USP6: variants seen among roughly 807,000 people sequenced by gnomAD.
USP6 encodes the protein ubiquitin carboxyl-terminal hydrolase 6.
In USP6, 128 loss-of-function variants were observed where a neutral mutation model predicts 175.7. That is an observed-to-expected ratio of 0.73 (90% CI 0.63 to 0.84). The LOEUF (loss-of-function observed/expected upper bound fraction) is 0.84, where lower values mean the gene tolerates loss of function less well. USP6 is among the 40% of genes least tolerant of loss of function. The pLI is 0.00. For synonymous variants in USP6, 562 were observed against 630.6 expected (o/e 0.89, Z 1.63); for missense variants, 1,498 against 1,760.3 (o/e 0.85, Z 2.67).
intron 20 of USP6, 32 bp downstream of exon 20, chr17:5,137,782 G>A (rs1688778553): frequency 1.2e-6 from 2 of 1,604,134 alleles, no homozygotes; most frequent in Non-Finnish European, 1.7e-6. Flanking sequence ...GGGGCCTGGG[G>A]AGCCCTGCAG....
intron 30 of USP6, among the ~76,000 whole-genome samples, chr17:5,150,821 G>T (rs560107425): frequency 6.6e-6 from 1 of 152,086 alleles, no homozygotes; most frequent in African/African-American, 2.4e-5. Flanking sequence ...CCTTCTGGAG[G>T]CCAGAAGTCT....
chr17:5,149,524 C>G (rs1365133209), intron 30 of USP6, among the ~76,000 whole-genome samples: 1 of 152,136 alleles, frequency 6.6e-6, no homozygotes, highest in Non-Finnish European at 1.5e-5. Flanking sequence ...CTGTAAATAA[C>G]CACTCAACTC....
intron 30 of USP6, among the ~76,000 whole-genome samples, chr17:5,150,473 G>A (rs1307803747): frequency 6.6e-6 from 1 of 151,316 alleles, no homozygotes; most frequent in Non-Finnish European, 1.5e-5. Context: ...CATAAATTTG[G>A]TGGCTTTAAA....
chr17:5,158,569 AAGAG>A (rs1208173119), intron 31 of USP6, among the ~76,000 whole-genome samples: 1 of 135,904 alleles, frequency 7.4e-6, no homozygotes, highest in Non-Finnish European at 1.6e-5. Context: ...TCTGTCTCAA[AAGAG>A]AGAGAGGGAG....
chr17:5,137,210 G>A lies in USP6; in HGVS notation c.825+24G>A, dbSNP rs772856923. 1.9e-6 allele frequency: 3 copies of A among 1,611,362 alleles called. No individual in the cohort carries two copies. The South Asian group carries it at 3.3e-5, about 18-fold the overall frequency. On this transcript the variant is annotated intron_variant, in intron 19 of 37. Coordinates refer to ENST00000574788, the MANE Select transcript of USP6 (RefSeq NM_001304284.2). ...GGGTAAGGAGGCATAGGGAGACCCTGGCTCAGGGACCCTCCTTGCCCTGCA... is the reference window on the plus strand; with the variant it reads ...GGGTAAGGAGGCATAGGGAGACCCTAGCTCAGGGACCCTCCTTGCCCTGCA...
chr17:5,168,429 G>T (rs1181224091), intron 34 of USP6, among the ~76,000 whole-genome samples: 1 of 152,246 alleles, frequency 6.6e-6, no homozygotes, highest in African/African-American at 2.4e-5. Context: ...AACTTCAGGA[G>T]AGGGTGAACT....
rs368609898 is a variant in USP6 at position 5,124,795 on chromosome 17, G to C, written c.-1069G>C. On this transcript the variant is annotated 5_prime_UTR_variant, in exon 5 of 38. Coordinates refer to ENST00000574788, the MANE Select transcript of USP6 (RefSeq NM_001304284.2). ...AGCCTGTTAGCCCACAGATGGTGAA[G>C]GGATGGAATGCTCCACGGAGCTCCA... 3.3e-5 allele frequency: 5 copies of C among 152,376 alleles called. No homozygotes were observed. Among genetic ancestry groups the C allele is most frequent in the Admixed American group, 2.0e-4 (3 of 15,304 alleles). The allele number at this position is 152,376 out of a possible 1,614,324, so 9.4% of individuals were successfully genotyped here. A position where few individuals can be genotyped will look rare whatever the true frequency, so the allele number is the denominator to read the frequency against.
chr17:5,165,096 CAA>C (rs145281271), intron 33 of USP6, among the ~76,000 whole-genome samples: 2,316 of 152,088 alleles, frequency 0.015, 54 homozygotes, highest in African/African-American at 0.053. Flanking sequence ...GTTTTAAAAA[CAA>C]GACATAAAGT....
At chr17:5,126,099 C>T (rs571419761) in intron 6 of USP6, among the ~76,000 whole-genome samples, 161 bp downstream of exon 6, 6 of 152,240 alleles carry the variant, frequency 3.9e-5, no homozygotes, top group South Asian at 2.1e-4. Context: ...TTAGGAGAAA[C>T]GAAGACAACT....
chr17:5,158,861 T>G (rs2073950326), intron 31 of USP6, among the ~76,000 whole-genome samples: 1 of 152,084 alleles, frequency 6.6e-6, no homozygotes, highest in Admixed American at 6.6e-5. Context: ...GAGATTGGAG[T>G]GGGTTAAAGA....
At chr17:5,164,721 G>A (rs1346239570) in intron 33 of USP6, among the ~76,000 whole-genome samples, 5 of 152,200 alleles carry the variant, frequency 3.3e-5, no homozygotes, top group African/African-American at 9.7e-5. Context: ...ATGCCTAATC[G>A]GGGCTCCACT....
At chr17:5,138,587 A>C (rs1228404809) in intron 21 of USP6, among the ~76,000 whole-genome samples, 1 of 151,978 alleles carries the variant, frequency 6.6e-6, no homozygotes, top group Non-Finnish European at 1.5e-5. Context: ...AGCCAGACCC[A>C]TTTGTGGGAG....
At chr17:5,152,465 A>T (rs1278680053) in intron 30 of USP6, among the ~76,000 whole-genome samples, 2 of 152,228 alleles carry the variant, frequency 1.3e-5, no homozygotes, top group African/African-American at 4.8e-5. Context: ...TTCTACCTGT[A>T]GGTATCCACC....
At position 5,130,355 on chromosome 17, in the gene USP6, T is replaced by G; in HGVS notation, c.-1-12T>G. ...GGGTACAGTGTAACCTTTAGACAAT[T>G]TTGTCTCACAGGATGGACATGGTAG... On this transcript the variant is annotated splice_polypyrimidine_tract_variant and intron_variant, in intron 9 of 37. Transcript: ENST00000574788. 3 of 1,613,996 alleles carry G rather than the reference T, an allele frequency of 1.9e-6. No individual in the cohort carries two copies. The East Asian group carries it at 6.7e-5, about 36-fold the overall frequency.
At position 5,167,925 on chromosome 17, in the gene USP6, C is replaced by G. The variant is rs1341427652; in HGVS notation, c.3037-7C>G. 1 of 1,609,358 alleles carries G rather than the reference C, an allele frequency of 6.2e-7. No homozygotes were observed. The highest frequency in any genetic ancestry group is 1.3e-5 in the African/African-American group (1 of 74,802). Reference sequence around the variant, plus strand: ...CACCCCTTTCCTCCTGTTCCCTCTACCTACAGGTTGTAGATAAGCATGAGA... The same window carrying G: ...CACCCCTTTCCTCCTGTTCCCTCTAGCTACAGGTTGTAGATAAGCATGAGA... On this transcript the variant is annotated splice_polypyrimidine_tract_variant and splice_region_variant and intron_variant, in intron 33 of 37. Coordinates refer to ENST00000574788, the MANE Select transcript of USP6 (RefSeq NM_001304284.2).
At chr17:5,144,647 T>C (rs770918195) in intron 25 of USP6, 43 bp from the exon 26 acceptor site, 2 of 1,602,606 alleles carry the variant, frequency 1.2e-6, no homozygotes, top group South Asian at 2.3e-5. Context: ...TTCCAAATTT[T>C]ATGGGTAGGA....
Position 5,141,424 on chromosome 17 carries a change from G to T in USP6, c.1499-1G>T. On this transcript the variant is annotated splice_acceptor_variant, in intron 22 of 37. Coordinates refer to ENST00000574788, the MANE Select transcript of USP6 (RefSeq NM_001304284.2). LOFTEE classifies it high-confidence loss of function. ...TAACACATTCCTATCTGTCCTTCCA[G>T]TTCACAACAAAGATATGAGTTGGCC... 1.2e-6 allele frequency: 2 copies of T among 1,604,954 alleles called. No individual in the cohort carries two copies. Among genetic ancestry groups the T allele is most frequent in the Non-Finnish European group, 1.7e-6 (2 of 1,176,800 alleles).
chr17:5,119,915 C>T (rs1394152347), intron 2 of USP6, among the ~76,000 whole-genome samples: 1 of 152,092 alleles, frequency 6.6e-6, no homozygotes, highest in African/African-American at 2.4e-5. Context: ...TCAGGTCTGT[C>T]GGACTTGTAT....
rs773296211 is a variant in USP6, at chr17:5,145,605, A to C, written c.2167+26A>C. 3 of 1,545,048 alleles carry C rather than the reference A, an allele frequency of 1.9e-6. No individual in the cohort carries two copies. In the South Asian group the frequency reaches 3.8e-5, roughly 19 times the overall value. The stretch of plus-strand genomic sequence containing the variant: ...GTAGGTCACAAAGTTCTGAAAAATT[A>C]CTTGATTCCATTAAATTTACTTTAT... On this transcript the variant is annotated intron_variant, in intron 27 of 37. Transcript: ENST00000574788.
Sources: allele counts gnomAD v4.1 joint callset (sites outside exome capture counted in the v4.1 genomes callset), GRCh38; gene constraint gnomAD v4.1.1; transcripts MANE v1.5; gene names NCBI Gene and HGNC (gene_info 2026-07-23, HGNC 2026-07-21).